CPNE3: variants seen among roughly 807,000 people sequenced by gnomAD.
CPNE3 encodes the protein copine-3.
CPNE3 carries 68 observed loss-of-function variants against 63.9 expected under a neutral mutation model. That is an observed-to-expected ratio of 1.06 (90% CI 0.87 to 1.30). The LOEUF is 1.30. Ranked by LOEUF, CPNE3 falls within the 50% of genes most tolerant of loss-of-function variation. CPNE3 has a pLI of 0.00. For synonymous variants in CPNE3, 219 were observed against 197.5 expected, an observed-to-expected ratio of 1.11 and a Z score of -0.91; for missense variants, 665 against 578.1, an observed-to-expected ratio of 1.15 and a Z score of -1.54.
chr8:86,545,437 G>C (rs1241261717), intron 9 of CPNE3: 1 of 152,152 alleles, frequency 6.6e-6, no homozygotes, highest in Non-Finnish European at 1.5e-5. Context: ...GAGCCTGAAG[G>C]TATAAATGAA....
At chr8:86,553,261 T>G (rs1293921874) in intron 14 of CPNE3, among the ~76,000 whole-genome samples, 3 of 152,136 alleles carry the variant, frequency 2.0e-5, no homozygotes, top group South Asian at 2.1e-4. Flanking sequence ...ATTAGTTATG[T>G]TCTCAAAGGT....
chr8:86,541,147 G>A (rs963213895), intron 8 of CPNE3, among the ~76,000 whole-genome samples: 16 of 152,144 alleles, frequency 1.1e-4, no homozygotes, highest in African/African-American at 3.6e-4. Flanking sequence ...GCAGGATAAT[G>A]AGGAGTAAGT....
In CPNE3 at chr8:86,558,969, C is replaced by G. The variant is rs1329772529; in HGVS notation, c.*559C>G. ...AGTTTAGACACTGTGGTTTACAAAA[C>G]AGCATGCACTCAACTTGGGACTTTA... On this transcript the variant is annotated 3_prime_UTR_variant, in exon 17 of 17. Transcript: ENST00000517490. 1 of 152,386 alleles carries G rather than the reference C, an allele frequency of 6.6e-6. No individual in the cohort carries two copies. 9.4% of individuals were successfully genotyped at this position (152,386 alleles called of 1,614,324 possible). A position where few individuals can be genotyped will look rare whatever the true frequency, so the allele number is the denominator to read the frequency against.
At chr8:86,540,551 T>C (rs1165111068) in intron 8 of CPNE3, among the ~76,000 whole-genome samples, 1 of 152,212 alleles carries the variant, frequency 6.6e-6, no homozygotes, top group African/African-American at 2.4e-5. Context: ...GACCTAATGC[T>C]TAGTCAAACA....
intron 8 of CPNE3, among the ~76,000 whole-genome samples, chr8:86,544,173 G>A (rs1821001554): frequency 6.6e-6 from 1 of 152,074 alleles, no homozygotes; most frequent in African/African-American, 2.4e-5. Context: ...TCCTTTCATT[G>A]TAAGAGTTGT....
Position 86,540,302 on chromosome 8 carries a change from C to G in CPNE3, c.601C>G (p.Leu201Val), listed in dbSNP as rs200521434. The G allele has an allele frequency of 1.3e-6, 2 of 1,595,372 alleles. No homozygotes were observed. The highest frequency in any genetic ancestry group is 1.7e-6 in the Non-Finnish European group (2 of 1,171,658). Residue 201 changes from leucine to valine, a missense_variant, in exon 8 of 17, where the codon CTG (leucine) becomes GTG (valine). Leu to Val is a conservative substitution (Grantham distance 32). Transcript: ENST00000517490. ...GCCTTTCAAGATCTCTCTTAACTCA[C>G]TGTGTTACGGAGATATGGACAAAAC... The part of the protein sequence containing the change: ...WRPFKISLNS[L>V]CYGDMDKTIK...
intron 6 of CPNE3, among the ~76,000 whole-genome samples, chr8:86,535,498 T>C (rs762204022): frequency 6.6e-6 from 1 of 152,050 alleles, no homozygotes; most frequent in East Asian, 1.9e-4. Context: ...TGAAACCCTG[T>C]GTCTAGTAAA....
chr8:86,557,123 T>A (rs997312492), intron 16 of CPNE3, among the ~76,000 whole-genome samples: 1 of 152,076 alleles, frequency 6.6e-6, no homozygotes, highest in African/African-American at 2.4e-5. Context: ...CATTTACGCA[T>A]GGGTTTTTGT....
chr8:86,549,161 A>C (rs1013086051), intron 12 of CPNE3, among the ~76,000 whole-genome samples: 1 of 152,174 alleles, frequency 6.6e-6, no homozygotes, highest in Admixed American at 6.5e-5. Flanking sequence ...TTTTATTTAC[A>C]TATTGATGGG....
chr8:86,548,513 C>G, intron 12 of CPNE3, 79 bp downstream of exon 12: 1 of 1,561,038 alleles, frequency 6.4e-7, no homozygotes, highest in Non-Finnish European at 8.8e-7. Flanking sequence ...TCGGCTAGCA[C>G]TCTGATATAG....
chr8:86,555,994 G>A, intron 15 of CPNE3, 108 bp from the exon 16 acceptor site: 3 of 723,042 alleles, frequency 4.1e-6, no homozygotes, highest in Non-Finnish European at 7.6e-6. Flanking sequence ...AGCTAGGGTA[G>A]AGACTGGCAA....
intron 8 of CPNE3, among the ~76,000 whole-genome samples, chr8:86,540,827 C>T (rs1820919987): frequency 6.6e-6 from 1 of 151,866 alleles, no homozygotes. Flanking sequence ...TTTTAGAAGG[C>T]TTTAGTTTTA....
Position 86,554,999 on chromosome 8 carries a change from G to T in CPNE3, c.1254+15G>T, listed in dbSNP as rs749158531. On this transcript the variant is annotated intron_variant, in intron 15 of 16. Transcript: ENST00000517490. Reference sequence around the variant, plus strand: ...AGACAGCTTCTGTAAGTGCTCTATGGCCAGGGAATGGGAAGAATGTGGATT... The same window carrying T: ...AGACAGCTTCTGTAAGTGCTCTATGTCCAGGGAATGGGAAGAATGTGGATT... 2 of 1,613,666 alleles carry T rather than the reference G, an allele frequency of 1.2e-6. No homozygotes were observed. The highest frequency in any genetic ancestry group is 2.7e-5 in the African/African-American group (2 of 74,884).
intron 2 of CPNE3, among the ~76,000 whole-genome samples, chr8:86,526,077 A>G (rs901951568): frequency 6.6e-6 from 1 of 152,154 alleles, no homozygotes; most frequent in Non-Finnish European, 1.5e-5. Context: ...TGCCAGATGG[A>G]GGGTTCAACC....
At chr8:86,553,509 A>G (rs145634238) in intron 14 of CPNE3, among the ~76,000 whole-genome samples, 2,191 of 152,290 alleles carry the variant, frequency 0.014, 47 homozygotes, top group African/African-American at 0.049. Context: ...AATTGCCTAC[A>G]TTATTCAGCA....
intron 2 of CPNE3, chr8:86,524,687 T>C (rs1820502678): frequency 6.9e-6 from 1 of 145,482 alleles, no homozygotes; most frequent in African/African-American, 2.5e-5. Context: ...CATAATTTTT[T>C]TTTTTTTTTT....
chr8:86,524,265 G>T (rs1267995599), intron 2 of CPNE3, among the ~76,000 whole-genome samples: 1 of 152,128 alleles, frequency 6.6e-6, no homozygotes, highest in African/African-American at 2.4e-5. Flanking sequence ...AAGACTTCAG[G>T]ATTTTCAGCC....
In CPNE3 at chr8:86,556,298, G is replaced by T; in HGVS notation, c.1451G>T (p.Arg484Ile). ...LRSPLGEVAI[R>I]DIVQFVPFRQ... ...TCCCCATTGGGCGAAGTGGCCATCA[G>T]AGATATTGTCCAGTTTGTGCCTTTC... The change falls in exon 16 of 17, where the codon AGA becomes ATA. Residue 484 changes from arginine (R) to isoleucine (I), a missense_variant. Transcript: ENST00000517490. The T allele has an allele frequency of 1.1e-6, 1 of 873,056 alleles. No individual in the cohort carries two copies. Among genetic ancestry groups the T allele is most frequent in the Non-Finnish European group, 2.0e-6 (1 of 501,692 alleles). 54.1% of individuals were successfully genotyped at this position (873,056 alleles called of 1,614,324 possible).
intron 8 of CPNE3, among the ~76,000 whole-genome samples, chr8:86,540,942 TA>T (rs1820922716): frequency 6.6e-6 from 1 of 152,222 alleles, no homozygotes; most frequent in South Asian, 2.1e-4. Flanking sequence ...AAAATATAAA[TA>T]AAAGAAAACT....
Sources: allele counts gnomAD v4.1 joint callset (sites outside exome capture counted in the v4.1 genomes callset), GRCh38; gene constraint gnomAD v4.1.1; transcripts MANE v1.5; gene names NCBI Gene and HGNC (gene_info 2026-07-23, HGNC 2026-07-21).